DNHD1: variants seen among roughly 807,000 people sequenced by gnomAD.
DNHD1 encodes dynein heavy chain domain 1, also known as dynein heavy chain domain-containing protein 1.
A neutral mutation model predicts 458.1 loss-of-function variants in DNHD1; 383 were observed. The observed-to-expected ratio is 0.84, with a 90% CI of 0.77 to 0.91. DNHD1 has a LOEUF of 0.91. Ranked by LOEUF, DNHD1 falls within the 40% of genes least tolerant of loss-of-function variation. DNHD1 has a pLI of 0.00. For synonymous variants in DNHD1, 2,203 were observed against 2,376.9 expected (o/e 0.93, Z 2.13); for missense variants, 5,336 against 5,866.1 (o/e 0.91, Z 2.95).
rs991722685 is a variant in DNHD1 at position 6,539,838 on chromosome 11, G to C, written c.3421-38G>C. 29 of 1,542,964 alleles carry C rather than the reference G, an allele frequency of 1.9e-5. No individual in the cohort carries two copies. In the Middle Eastern group the frequency reaches 5.0e-4, roughly 27 times the overall value. On this transcript the variant is annotated intron_variant, in intron 17 of 42. Coordinates refer to ENST00000254579, the MANE Select transcript of DNHD1 (RefSeq NM_144666.3). ...CGGCTCCAAGCCTGTCCCCGAAGCA[G>C]TTACCCAGTCCTGGTTCCTGAGACC...
chr11:6,545,057 C>T lies in DNHD1; in HGVS notation c.4118C>T (p.Ala1373Val). ...AGTGAGCTGGTAGCCCTGCTGGCTG[C>T]TCGACTGGAATCATGCGAAGCCCAG... The part of the protein sequence containing the change: ...SDSELVALLA[A>V]RLESCEAQLW... The change falls in exon 21 of 43, where the codon GCT becomes GTT. Residue 1373 changes from alanine (A) to valine (V), a missense_variant. By Grantham distance (64) the Ala-to-Val change is moderately conservative (BLOSUM62 0). This residue lies in a region of DNHD1 where 3,932 missense variants were observed against 4,365.6 expected (regional missense o/e 0.90). Coordinates refer to ENST00000254579, the MANE Select transcript of DNHD1 (RefSeq NM_144666.3). The surrounding 1 kb of genome is among the most constrained non-coding windows in gnomAD (Gnocchi z 4.9). 6.4e-6 allele frequency: 10 copies of T among 1,551,894 alleles called. No homozygotes were observed. Among genetic ancestry groups the T allele is most frequent in the Non-Finnish European group, 8.7e-6 (10 of 1,147,020 alleles).
In DNHD1 at chr11:6,544,201, T is replaced by A; in HGVS notation, c.3709T>A (p.Leu1237Ile). ...CTTGGCCATCGAAAAGTCAGGAGAT[T>A]TAAACAAAATAGCTTTGGAGTGGGT... ...KILAIEKSGDLNKIALEWVAI... is the reference protein window; with the variant it reads ...KILAIEKSGDINKIALEWVAI... Residue 1237 changes from leucine (L) to isoleucine (I), a missense_variant, in exon 19 of 43, where the codon TTA becomes ATA. By Grantham distance (5) the Leu-to-Ile change is conservative. Transcript: ENST00000254579. The A allele has an allele frequency of 6.4e-7, 1 of 1,551,590 alleles. No individual in the cohort carries two copies. The highest frequency in any genetic ancestry group is 1.2e-5 in the South Asian group (1 of 84,052).
intron 10 of DNHD1, among the ~76,000 whole-genome samples, chr11:6,525,485 C>T (rs1471986121): frequency 1.3e-5 from 2 of 152,212 alleles, no homozygotes; most frequent in Admixed American, 6.5e-5. Context: ...TTCTCTACAT[C>T]GTCATTTCAT....
At chr11:6,511,467 A>C in intron 7 of DNHD1, 38 bp downstream of exon 7, 1 of 1,604,766 alleles carries the variant, frequency 6.2e-7, no homozygotes, top group Non-Finnish European at 8.5e-7. Context: ...CTCTTCCCCA[A>C]GTTGAGCTCC....
At chr11:6,535,479 A>T (rs1250577434) in intron 14 of DNHD1, among the ~76,000 whole-genome samples, 2 of 152,194 alleles carry the variant, frequency 1.3e-5, no homozygotes, top group African/African-American at 2.4e-5. Flanking sequence ...CAGGGTAGGT[A>T]CAAGATGAAC....
At chr11:6,513,260 A>G (rs1589868650) in intron 7 of DNHD1, among the ~76,000 whole-genome samples, 1 of 152,302 alleles carries the variant, frequency 6.6e-6, no homozygotes, top group East Asian at 1.9e-4. Context: ...TTTTAACTGT[A>G]AAGTTGTTGA....
intron 1 of DNHD1, 109 bp downstream of exon 1, chr11:6,497,440 C>T (rs1852049580): frequency 1.3e-5 from 2 of 152,856 alleles, no homozygotes; most frequent in South Asian, 2.1e-4. Flanking sequence ...CTGTTAACGT[C>T]TTCCCCTACC....
rs749444705 is a variant in DNHD1, at chr11:6,563,877, C to T, written c.10037C>T (p.Thr3346Met). The change falls in exon 31 of 43, where the codon ACG (threonine) becomes ATG (methionine). Residue 3346 changes from threonine to methionine, a missense_variant. Transcript: ENST00000254579. ...CTGGCGCATTGCCGGGGACTGCCCA[C>T]GGACCTGCTGCTGCAGCAAGTGGAG... is the stretch of plus-strand genomic sequence containing the variant. Reference protein sequence around the residue: ...YGLAHCRGLPTDLLLQQVEAT... With the variant: ...YGLAHCRGLPMDLLLQQVEAT... 5.2e-6 allele frequency: 8 copies of T among 1,551,698 alleles called. No individual in the cohort carries two copies. Among genetic ancestry groups the T allele is most frequent in the Non-Finnish European group, 7.0e-6 (8 of 1,147,000 alleles).
chr11:6,562,599 G>C (rs1853607708), intron 28 of DNHD1, among the ~76,000 whole-genome samples: 1 of 152,208 alleles, frequency 6.6e-6, no homozygotes. Flanking sequence ...AGAAGTTAGA[G>C]AAAGCCCAAG....
In DNHD1 at chr11:6,564,281, C is replaced by T. The variant is rs1483481570; in HGVS notation, c.10285-52C>T. ...TGCCCTCCCTCTGCCATATCTCTGC[C>T]TGCACCCTCCTCACTGGCCTACACA... On this transcript the variant is annotated intron_variant, in intron 31 of 42. Coordinates refer to ENST00000254579, the MANE Select transcript of DNHD1 (RefSeq NM_144666.3). 3 of 1,486,856 alleles carry T rather than the reference C, an allele frequency of 2.0e-6. No individual in the cohort carries two copies. The African/African-American group carries it at 4.2e-5, about 21-fold the overall frequency. The allele number at this position is 1,486,856 out of a possible 1,614,324, so 92.1% of individuals were successfully genotyped here.
intron 10 of DNHD1, among the ~76,000 whole-genome samples, chr11:6,526,832 G>C (rs570322590): frequency 6.6e-6 from 1 of 152,314 alleles, no homozygotes; most frequent in Non-Finnish European, 1.5e-5. Flanking sequence ...CTTGGAGGGG[G>C]TAAGACCCCC....
intron 24 of DNHD1, among the ~76,000 whole-genome samples, chr11:6,553,069 A>G (rs1853395955): frequency 6.6e-6 from 1 of 152,228 alleles, no homozygotes; most frequent in Non-Finnish European, 1.5e-5. Flanking sequence ...AAAGAAATAA[A>G]CTGTTATCTT....
intron 17 of DNHD1, 139 bp from the exon 18 acceptor site, chr11:6,539,737 C>A: frequency 1.3e-6 from 1 of 760,600 alleles, no homozygotes; most frequent in Non-Finnish European, 2.2e-6. Flanking sequence ...TGGTCCCACT[C>A]TCGCTTCATC....
At chr11:6,507,101 G>A (rs570618312) in intron 4 of DNHD1, among the ~76,000 whole-genome samples, 2 of 152,272 alleles carry the variant, frequency 1.3e-5, no homozygotes, top group Admixed American at 6.5e-5. Flanking sequence ...CTAGTATCAT[G>A]TCATACTCCA....
chr11:6,546,347 G>A lies in DNHD1; in HGVS notation c.5408G>A (p.Cys1803Tyr). Residue 1803 changes from cysteine to tyrosine, a missense_variant, in exon 21 of 43, where the codon TGT becomes TAT. Around this residue, in one of 4 missense-constraint regions of DNHD1, gnomAD observed 3,932 missense variants for 4,365.6 expected, o/e 0.90. Coordinates refer to ENST00000254579, the MANE Select transcript of DNHD1 (RefSeq NM_144666.3). ...HHVSVRLGYG[C>Y]LLVLRALSSA... ...GTGTCTGTGCGCCTTGGCTATGGCT[G>A]TCTCCTGGTACTGCGTGCCCTGAGC... 6.4e-7 allele frequency: 1 copy of A among 1,552,346 alleles called. No individual in the cohort carries two copies. The highest frequency in any genetic ancestry group is 8.7e-7 in the Non-Finnish European group (1 of 1,147,148).
At chr11:6,511,552 G>A (rs906532954) in intron 7 of DNHD1, 123 bp downstream of exon 7, 55 of 1,298,830 alleles carry the variant, frequency 4.2e-5, no homozygotes, top group Non-Finnish European at 4.8e-5. Context: ...AGTTGAATCA[G>A]AGCCATTTTC....
intron 12 of DNHD1, 106 bp downstream of exon 12, chr11:6,529,227 C>T: frequency 1.6e-6 from 2 of 1,253,864 alleles, no homozygotes; most frequent in Non-Finnish European, 1.1e-6. Context: ...GTGCAGGCCT[C>T]TTATTGGACC....
In DNHD1 at chr11:6,548,749, G is replaced by A; in HGVS notation, c.7203G>A (p.Leu2401=). Reference sequence around the variant, plus strand: ...GGAAGTCAGCCTTTGTGGAGGTGCTGGTAGAGCCACATCACCCTTACATAT... The same window carrying A: ...GGAAGTCAGCCTTTGTGGAGGTGCTAGTAGAGCCACATCACCCTTACATAT... The part of the protein sequence containing the change: ...ATGKSAFVEV[L]VEPHHPYIYS... The change falls in exon 24 of 43, where the codon CTG becomes CTA. Residue 2401 remains leucine (L), a synonymous_variant. Coordinates refer to ENST00000254579, the MANE Select transcript of DNHD1 (RefSeq NM_144666.3). This position sits in a 1 kb window ranked among gnomAD's most constrained non-coding sequence, Gnocchi z 4.4. 2 of 1,551,602 alleles carry A rather than the reference G, an allele frequency of 1.3e-6. No individual in the cohort carries two copies. The highest frequency in any genetic ancestry group is 1.7e-6 in the Non-Finnish European group (2 of 1,146,962).
chr11:6,529,033 G>A lies in DNHD1; in HGVS notation c.2259G>A (p.Trp753Ter), dbSNP rs1236917048. 6.4e-7 allele frequency: 1 copy of A among 1,551,250 alleles called. No individual in the cohort carries two copies. The highest frequency in any genetic ancestry group is 8.7e-7 in the Non-Finnish European group (1 of 1,146,994). Residue 753 changes from tryptophan (W) to a stop codon, truncating the protein, a stop_gained, in exon 12 of 43, where the codon TGG (tryptophan) becomes TGA (stop). Transcript: ENST00000254579. LOFTEE classifies it high-confidence loss of function. ...YVTLVSRLNV[W>*]QARVSSMPIE... ...CGCTGGTGAGCCGCCTGAATGTTTGGCAGGCCCGTGTCTCCAGTATGCCTA... is the reference window on the plus strand; with the variant it reads ...CGCTGGTGAGCCGCCTGAATGTTTGACAGGCCCGTGTCTCCAGTATGCCTA...
Sources: gnomAD v4.1 joint callset for allele counts (sites outside exome capture counted in the v4.1 genomes callset) on GRCh38, gnomAD v4.1.1 for gene constraint, gnomAD v4.1.1 regional missense constraint, Gnocchi (gnomAD v3.1) non-coding constraint, MANE v1.5 for transcripts, NCBI Gene and HGNC (gene_info 2026-07-23, HGNC 2026-07-21) for gene names.